The following TDRD12 variants were observed in gnomAD, a reference collection of about 807,000 sequenced individuals.
TDRD12 encodes the protein tudor domain containing 12.
Under a neutral mutation model 133.5 loss-of-function variants are expected in TDRD12, and 158 were observed. That is an observed-to-expected ratio of 1.18 (90% CI 1.04 to 1.35). The LOEUF is 1.35. Ranked by LOEUF, TDRD12 falls within the 40% of genes most tolerant of loss-of-function variation. The pLI is 0.00. For missense variants in TDRD12, 1,443 were observed against 1,321.3 expected (o/e 1.09, Z -1.43); for synonymous variants, 460 against 477.9 (o/e 0.96, Z 0.49).
chr19:32,726,325 C>T (rs184681443), intron 1 of TDRD12, among the ~76,000 whole-genome samples: 42 of 152,174 alleles, frequency 2.8e-4, no homozygotes, highest in African/African-American at 8.2e-4. Context: ...TGGATCCACC[C>T]GCCTCAGCCT....
At chr19:32,771,316 G>T (rs1175524817) in intron 8 of TDRD12, among the ~76,000 whole-genome samples, 1 of 152,118 alleles carries the variant, frequency 6.6e-6, no homozygotes. Context: ...GACTACAGGT[G>T]TGCGTCACCA....
chr19:32,772,373 G>T (rs1335029589), intron 8 of TDRD12, among the ~76,000 whole-genome samples: 1 of 152,282 alleles, frequency 6.6e-6, no homozygotes, highest in South Asian at 2.1e-4. Flanking sequence ...AGCCCACCCA[G>T]GTTCACAGGA....
chr19:32,729,311 G>A lies in TDRD12; in HGVS notation c.25-2414G>A, dbSNP rs907051878. Among the ~76,000 whole-genome samples, 7 of 145,752 alleles carry A rather than the reference G, an allele frequency of 4.8e-5. No individual in the cohort carries two copies. In the South Asian group the frequency reaches 6.6e-4, roughly 14 times the overall value. ...CGGCTCACTGCAAGCTCCACCACCC[G>A]GTTTCACACCATTCTCCTGCCTCAG... On this transcript the variant is annotated intron_variant, in intron 1 of 27. Transcript: ENST00000444215.
At chr19:32,720,014 C>T (rs945681418) in exon 1 of TDRD12, 4 of 1,541,294 alleles carry the variant, frequency 2.6e-6, no homozygotes, top group Admixed American at 2.0e-5. Context: ...CCAGCCTCAC[C>T]CGCGACGGTA....
chr19:32,771,849 A>T (rs2145597388), intron 8 of TDRD12, among the ~76,000 whole-genome samples: 1 of 152,278 alleles, frequency 6.6e-6, no homozygotes, highest in South Asian at 2.1e-4. Flanking sequence ...AATATTTCAC[A>T]TTTCTAGTGC....
intron 27 of TDRD12, 39 bp from the exon 28 acceptor site, chr19:32,820,994 G>A: frequency 1.3e-6 from 2 of 1,501,232 alleles, no homozygotes. Context: ...GGCAGTTCCT[G>A]TAGAGAGCCA....
intron 11 of TDRD12, among the ~76,000 whole-genome samples, chr19:32,788,667 T>G (rs1324803143): frequency 6.6e-6 from 1 of 152,130 alleles, no homozygotes; most frequent in Non-Finnish European, 1.5e-5. Flanking sequence ...ATTACTCGGT[T>G]TTTAAGGCTG....
intron 11 of TDRD12, among the ~76,000 whole-genome samples, chr19:32,779,600 A>C (rs533904082): frequency 6.6e-6 from 1 of 152,134 alleles, no homozygotes; most frequent in Non-Finnish European, 1.5e-5. Context: ...TTGGGTGTTC[A>C]AGAGAAACTG....
intron 11 of TDRD12, among the ~76,000 whole-genome samples, chr19:32,781,461 T>A (rs938713324): frequency 2.6e-5 from 4 of 152,226 alleles, no homozygotes; most frequent in Non-Finnish European, 1.5e-5. Context: ...TCTTCTTACT[T>A]GGTTTACTCC....
At chr19:32,762,365 A>C (rs573084904) in intron 8 of TDRD12, among the ~76,000 whole-genome samples, 7 of 152,176 alleles carry the variant, frequency 4.6e-5, no homozygotes, top group Non-Finnish European at 1.0e-4. Flanking sequence ...GAAGGGTGTA[A>C]GGTCTGTGCC....
At chr19:32,802,447 T>C (rs1363607525) in intron 19 of TDRD12, among the ~76,000 whole-genome samples, 1 of 151,872 alleles carries the variant, frequency 6.6e-6, no homozygotes, top group Non-Finnish European at 1.5e-5. Flanking sequence ...TAAGAGACAT[T>C]TTTCAGGCTA....
intron 8 of TDRD12, among the ~76,000 whole-genome samples, chr19:32,763,751 C>T (rs1025763682): frequency 2.6e-5 from 4 of 152,170 alleles, no homozygotes; most frequent in African/African-American, 9.7e-5. Flanking sequence ...GTGTCCGTGC[C>T]GACCCTCCAG....
Position 32,748,343 on chromosome 19 carries a change from C to T in TDRD12, c.441-133C>T, listed in dbSNP as rs929522849. ...CTCACCCCCAGAGCAGGGCCAGTGC[C>T]AGGTGCCCCATCATCTGCATCACGT... On this transcript the variant is annotated intron_variant, in intron 4 of 27. Coordinates refer to ENST00000444215, the Ensembl canonical transcript of TDRD12. The T allele has an allele frequency of 2.1e-5, 18 of 858,310 alleles. No individual in the cohort carries two copies. In the Admixed American group the frequency reaches 3.8e-4, roughly 18 times the overall value. 53.2% of individuals were successfully genotyped at this position (858,310 alleles called of 1,614,324 possible).
intron 26 of TDRD12, among the ~76,000 whole-genome samples, chr19:32,817,506 T>C (rs1190550856): frequency 6.6e-6 from 1 of 152,116 alleles, no homozygotes; most frequent in Admixed American, 6.6e-5. Context: ...TCCATTCATC[T>C]TCCTGCGCAC....
chr19:32,800,935 G>A (rs150338653), intron 18 of TDRD12, among the ~76,000 whole-genome samples, 163 bp downstream of exon 18: 1 of 152,148 alleles, frequency 6.6e-6, no homozygotes, highest in East Asian at 1.9e-4. Flanking sequence ...AGAGCATGCA[G>A]GCTGAGGCCT....
chr19:32,777,266 A>G lies in TDRD12; in HGVS notation c.1121+37A>G, dbSNP rs1970610062. 3.4e-6 allele frequency: 4 copies of G among 1,174,250 alleles called. No homozygotes were observed. The African/African-American group carries it at 4.7e-5, about 14-fold the overall frequency. The allele number at this position is 1,174,250 out of a possible 1,614,324, so 72.7% of individuals were successfully genotyped here. ...TTCCTTGGCCTGAATTGTGTATTGA[A>G]ATAATTATAATAAAATTATAAACAA... On this transcript the variant is annotated intron_variant, in intron 11 of 27. Transcript: ENST00000444215.
intron 14 of TDRD12, chr19:32,796,262 C>T (rs867071278): frequency 2.2e-5 from 18 of 825,202 alleles, no homozygotes; most frequent in Middle Eastern, 1.2e-3. Context: ...TTTTTCTAAC[C>T]GTGCCATGCA....
chr19:32,744,520 A>AAC (rs2078441455), intron 4 of TDRD12, among the ~76,000 whole-genome samples: 1 of 150,868 alleles, frequency 6.6e-6, no homozygotes, highest in Non-Finnish European at 1.5e-5. Context: ...AAAAAAAAAA[A>AAC]AAAACAAAAG....
intron 9 of TDRD12, among the ~76,000 whole-genome samples, 157 bp from the exon 10 acceptor site, chr19:32,773,299 A>G (rs1481388932): frequency 1.3e-5 from 2 of 152,204 alleles, no homozygotes; most frequent in Admixed American, 1.3e-4. Flanking sequence ...TAATCACCCA[A>G]CTTTCCAGTT....
Sources: gnomAD v4.1 joint callset for allele counts (sites outside exome capture counted in the v4.1 genomes callset) on GRCh38, gnomAD v4.1.1 for gene constraint, MANE v1.5 for transcripts, NCBI Gene and HGNC (gene_info 2026-07-23, HGNC 2026-07-21) for gene names.